The following PEPD variants were observed in gnomAD, a reference collection of about 807,000 sequenced individuals.
PEPD encodes the protein xaa-Pro dipeptidase.
PEPD carries 53 observed loss-of-function variants against 60.7 expected under a neutral mutation model. That is an observed-to-expected ratio of 0.87 (90% CI 0.70 to 1.10). The LOEUF (loss-of-function observed/expected upper bound fraction) is 1.10. PEPD is among the 50% of genes least tolerant of loss of function. The probability of loss-of-function intolerance (pLI) is 0.00; values close to 1 mark genes in which losing one functional copy is unlikely to be tolerated. For synonymous variants in PEPD, 267 were observed against 284.1 expected, an observed-to-expected ratio of 0.94 and a Z score of 0.60; for missense variants, 711 against 711.9, an observed-to-expected ratio of 1.00 and a Z score of 0.01.
At chr19:33,388,136 C>T (rs1208835162) in intron 13 of PEPD, 55 bp from the exon 14 acceptor site, 2 of 1,445,854 alleles carry the variant, frequency 1.4e-6, no homozygotes, top group African/African-American at 2.8e-5. Flanking sequence ...TCACCGTGGC[C>T]TCATCAGGAG....
intron 9 of PEPD, among the ~76,000 whole-genome samples, chr19:33,416,909 G>A (rs1267768340): frequency 6.6e-6 from 1 of 152,208 alleles, no homozygotes; most frequent in East Asian, 1.9e-4. Flanking sequence ...GATGACAAAT[G>A]GGGCAGGAGC....
At chr19:33,480,241 T>C (rs1419629729) in intron 6 of PEPD, among the ~76,000 whole-genome samples, 1 of 152,146 alleles carries the variant, frequency 6.6e-6, no homozygotes, top group Non-Finnish European at 1.5e-5. Flanking sequence ...AAAGTGGAAC[T>C]AGAATGGCTA....
chr19:33,517,490 C>T (rs1336465294), intron 1 of PEPD, among the ~76,000 whole-genome samples: 3 of 151,438 alleles, frequency 2.0e-5, no homozygotes, highest in Non-Finnish European at 4.4e-5. Flanking sequence ...ATCTGGGAGG[C>T]GGAGGTTGCA....
intron 12 of PEPD, 74 bp from the exon 13 acceptor site, chr19:33,391,553 G>T (rs931712928): frequency 7.5e-7 from 1 of 1,339,720 alleles, no homozygotes; most frequent in Non-Finnish European, 1.0e-6. Context: ...GCTGGGAGAT[G>T]TGAAGCCCTC....
At chr19:33,399,410 T>C (rs1250948849) in intron 12 of PEPD, among the ~76,000 whole-genome samples, 1 of 152,236 alleles carries the variant, frequency 6.6e-6, no homozygotes, top group Non-Finnish European at 1.5e-5. Flanking sequence ...CTGTCCTGTC[T>C]TCCTTTTGGG....
chr19:33,419,171 G>C (rs1404587610), intron 9 of PEPD, among the ~76,000 whole-genome samples: 1 of 152,150 alleles, frequency 6.6e-6, no homozygotes, highest in African/African-American at 2.4e-5. Context: ...ATGGGGCCAG[G>C]CTTCTTGGGC....
intron 1 of PEPD, 80 bp from the exon 2 acceptor site, chr19:33,512,856 C>A (rs1328816619): frequency 6.6e-7 from 1 of 1,518,216 alleles, no homozygotes; most frequent in Non-Finnish European, 9.1e-7. Context: ...GTCGGGGTGA[C>A]CGGAGGCCCG....
rs1201996250 is a variant in PEPD at position 33,386,998 on chromosome 19, T to A, written c.*346A>T. 1.6e-5 allele frequency: 5 copies of A among 307,820 alleles called. No homozygotes were observed. In the East Asian group the frequency reaches 3.4e-4, roughly 21 times the overall value. The allele number at this position is 307,820 out of a possible 1,614,324, so 19.1% of individuals were successfully genotyped here. A position where few individuals can be genotyped will look rare whatever the true frequency, so the allele number is the denominator to read the frequency against. ...TGCAAATGCCATTCTGCATATTGAT[T>A]TTTGACAGAAAGTATCAGAAATGCT... On this transcript the variant is annotated 3_prime_UTR_variant, in exon 15 of 15. Coordinates refer to ENST00000244137, the MANE Select transcript of PEPD (RefSeq NM_000285.4).
intron 4 of PEPD, among the ~76,000 whole-genome samples, chr19:33,500,024 T>C (rs1159651460): frequency 6.6e-6 from 1 of 152,240 alleles, no homozygotes; most frequent in Non-Finnish European, 1.5e-5. Context: ...CCCTGGCCAC[T>C]TCCACACTGC....
At chr19:33,387,782 C>G in intron 14 of PEPD, 108 bp downstream of exon 14, 1 of 993,112 alleles carries the variant, frequency 1.0e-6, no homozygotes, top group Non-Finnish European at 1.6e-6. Context: ...CTAAGCCCAC[C>G]TCAAGGGAAG....
chr19:33,414,827 G>A (rs1202325302), intron 9 of PEPD, among the ~76,000 whole-genome samples: 1 of 152,224 alleles, frequency 6.6e-6, no homozygotes, highest in Non-Finnish European at 1.5e-5. Flanking sequence ...AACCTCACAG[G>A]ATAATTGGGT....
intron 7 of PEPD, among the ~76,000 whole-genome samples, chr19:33,467,029 C>T (rs1196419903): frequency 8.6e-5 from 13 of 151,646 alleles, no homozygotes; most frequent in Non-Finnish European, 1.6e-4. Flanking sequence ...TGGTGGCGGG[C>T]GCCTGTAGTC....
chr19:33,411,732 A>G lies in PEPD; in HGVS notation c.758T>C (p.Val253Ala), dbSNP rs1968780214. The change falls in exon 11 of 15, where the codon GTG (valine) becomes GCG (alanine). Residue 253 changes from valine to alanine, a missense_variant. Transcript: ENST00000244137. Reference protein sequence around the residue: ...CICGSGENSAVLHYGHAGAPN... With the variant: ...CICGSGENSAALHYGHAGAPN... ...AGCTCCGGCGTGTCCGTAGTGTAGCACGGCTGAGTTCTCACCACTGCAAAG... is the reference window on the plus strand; with the variant it reads ...AGCTCCGGCGTGTCCGTAGTGTAGCGCGGCTGAGTTCTCACCACTGCAAAG... 6.2e-7 allele frequency: 1 copy of G among 1,609,024 alleles called. No individual in the cohort carries two copies. The highest frequency in any genetic ancestry group is 8.5e-7 in the Non-Finnish European group (1 of 1,175,806).
chr19:33,515,328 T>TC (rs1042868994), intron 1 of PEPD, among the ~76,000 whole-genome samples: 1 of 151,702 alleles, frequency 6.6e-6, no homozygotes, highest in African/African-American at 2.4e-5. Context: ...CCCCGCCCGC[T>TC]CCCCCACGTG....
intron 12 of PEPD, among the ~76,000 whole-genome samples, chr19:33,399,331 C>G (rs1470117034): frequency 6.6e-6 from 1 of 152,250 alleles, no homozygotes; most frequent in African/African-American, 2.4e-5. Flanking sequence ...TTTTCCTCGG[C>G]AGCTGCTAAA....
chr19:33,409,858 T>C (rs1441696904), intron 11 of PEPD, among the ~76,000 whole-genome samples: 1 of 152,198 alleles, frequency 6.6e-6, no homozygotes, highest in Non-Finnish European at 1.5e-5. Flanking sequence ...CTGAGTTCCT[T>C]GGCCCACACA....
intron 9 of PEPD, among the ~76,000 whole-genome samples, chr19:33,435,768 G>A (rs917616047): frequency 6.6e-6 from 1 of 152,226 alleles, no homozygotes; most frequent in Non-Finnish European, 1.5e-5. Context: ...AGGGCCATGG[G>A]CAGAGGCCGT....
intron 6 of PEPD, among the ~76,000 whole-genome samples, chr19:33,488,647 C>T (rs991360184): frequency 3.3e-5 from 5 of 152,084 alleles, no homozygotes; most frequent in East Asian, 1.9e-4. Flanking sequence ...CAGGAGGACA[C>T]GAAGATCTGT....
chr19:33,478,041 C>T lies in PEPD; in HGVS notation c.548+5G>A, dbSNP rs774305529. On this transcript the variant is annotated splice_donor_5th_base_variant and intron_variant, in intron 7 of 14. Transcript: ENST00000244137. ...ACAGGCAAGGTGACCACAGGCCGTACTCACCACTCAACGATCTCTGGGTGA... is the reference window on the plus strand; with the variant it reads ...ACAGGCAAGGTGACCACAGGCCGTATTCACCACTCAACGATCTCTGGGTGA... 1 of 1,603,402 alleles carries T rather than the reference C, an allele frequency of 6.2e-7. No homozygotes were observed. Among genetic ancestry groups the T allele is most frequent in the East Asian group, 2.2e-5 (1 of 44,798 alleles).
Sources: allele counts gnomAD v4.1 joint callset (sites outside exome capture counted in the v4.1 genomes callset), GRCh38; gene constraint gnomAD v4.1.1; transcripts MANE v1.5; gene names NCBI Gene and HGNC (gene_info 2026-07-23, HGNC 2026-07-21).